CLDN9: variants seen among roughly 807,000 people sequenced by gnomAD.
CLDN9 encodes claudin-9.
Under a neutral mutation model 10.1 loss-of-function variants are expected in CLDN9, and 14 were observed. The observed-to-expected ratio is 1.38, with a 90% CI of 0.91 to 2.16. The LOEUF is 2.16. Among genes scored for constraint, CLDN9 ranks in the 30% most tolerant of loss-of-function variants. CLDN9 has a pLI of 0.00. For synonymous variants in CLDN9, 162 were observed against 143.1 expected (o/e 1.13, Z -0.95); for missense variants, 332 against 294.8 (o/e 1.13, Z -0.93).
chr16:3,013,083 C>T lies in CLDN9; in HGVS notation c.-280C>T. On this transcript the variant is annotated 5_prime_UTR_variant, in exon 1 of 1. Transcript: ENST00000445369. The surrounding 1 kb of genome is among the most constrained non-coding windows in gnomAD (Gnocchi z 6.4). Reference sequence around the variant, plus strand: ...AAGAGCAGCAGCACCCTCAGGGCATCCGATGGGCGGAGGCCCCTCGAGGTG... The same window carrying T: ...AAGAGCAGCAGCACCCTCAGGGCATTCGATGGGCGGAGGCCCCTCGAGGTG... The T allele has an allele frequency of 2.1e-6, 1 of 466,936 alleles. No individual in the cohort carries two copies. 28.9% of individuals were successfully genotyped at this position (466,936 alleles called of 1,614,324 possible).
rs2072541021 is a variant in CLDN9 at position 3,013,381 on chromosome 16, G to T, written c.19G>T (p.Glu7Ter). Residue 7 changes from glutamate (E) to a stop codon, truncating the protein, a stop_gained, in exon 1 of 1, where the codon GAA (glutamate) becomes TAA (stop). Coordinates refer to ENST00000445369, the MANE Select transcript of CLDN9 (RefSeq NM_020982.4). LOFTEE classifies it high-confidence loss of function. This position sits in a 1 kb window ranked among gnomAD's most constrained non-coding sequence, Gnocchi z 6.4. ...GGGCCAGATGGCTTCGACCGGCTTAGAACTGCTGGGCATGACCCTGGCTGT... is the reference window on the plus strand; with the variant it reads ...GGGCCAGATGGCTTCGACCGGCTTATAACTGCTGGGCATGACCCTGGCTGT... Reference protein sequence around the residue: MASTGLELLGMTLAVLG... With the variant: MASTGL 1 of 1,613,148 alleles carries T rather than the reference G, an allele frequency of 6.2e-7. No individual in the cohort carries two copies. The highest frequency in any genetic ancestry group is 8.5e-7 in the Non-Finnish European group (1 of 1,179,892).
Position 3,013,192 on chromosome 16 carries a change from G to A in CLDN9, c.-171G>A, listed in dbSNP as rs927094153. 7.2e-5 allele frequency: 49 copies of A among 680,536 alleles called. No individual in the cohort carries two copies. The highest frequency in any genetic ancestry group is 1.0e-4 in the Non-Finnish European group (41 of 411,178). The allele number at this position is 680,536 out of a possible 1,614,324, so 42.2% of individuals were successfully genotyped here. The stretch of plus-strand genomic sequence containing the variant: ...AAACACCTGCAAGAGGCACGGAGAG[G>A]AGGCGCCTTTCAAGAGGCGCCTTTC... On this transcript the variant is annotated 5_prime_UTR_variant, in exon 1 of 1. Coordinates refer to ENST00000445369, the MANE Select transcript of CLDN9 (RefSeq NM_020982.4). This position sits in a 1 kb window ranked among gnomAD's most constrained non-coding sequence, Gnocchi z 6.4.
rs377171800 is a variant in CLDN9 at position 3,013,709 on chromosome 16, G to T, written c.347G>T (p.Arg116Leu). ...TCVEDEGAKA[R>L]IVLTAGVILL... is the part of the protein sequence containing the mutation. The stretch of plus-strand genomic sequence containing the variant: ...GTGGAGGACGAAGGTGCCAAGGCCC[G>T]TATCGTGCTCACCGCGGGGGTCATC... The change falls in exon 1 of 1, where the codon CGT becomes CTT. Residue 116 changes from arginine (R) to leucine (L), a missense_variant. Physicochemically the swap from Arg to Leu is moderately radical, Grantham distance 102. Transcript: ENST00000445369. The surrounding 1 kb of genome is among the most constrained non-coding windows in gnomAD (Gnocchi z 6.4). The T allele has an allele frequency of 1.2e-6, 2 of 1,613,590 alleles. No homozygotes were observed. The highest frequency in any genetic ancestry group is 2.2e-5 in the East Asian group (1 of 44,894).
Position 3,013,475 on chromosome 16 carries a change from A to C in CLDN9, c.113A>C (p.Asn38Thr). 3 of 1,613,984 alleles carry C rather than the reference A, an allele frequency of 1.9e-6. No homozygotes were observed. Among genetic ancestry groups the C allele is most frequent in the Non-Finnish European group, 2.5e-6 (3 of 1,180,002 alleles). The change falls in exon 1 of 1, where the codon AAC becomes ACC. Residue 38 changes from asparagine to threonine, a missense_variant. Asn to Thr is a moderately conservative substitution (Grantham distance 65, BLOSUM62 0). Transcript: ENST00000445369. This position sits in a 1 kb window ranked among gnomAD's most constrained non-coding sequence, Gnocchi z 6.4. Reference protein sequence around the residue: ...PLWKVTAFIGNSIVVAQVVWE... With the variant: ...PLWKVTAFIGTSIVVAQVVWE... ...TGGAAGGTGACCGCCTTCATCGGCA[A>C]CAGCATCGTGGTGGCCCAGGTGGTG... is the stretch of plus-strand genomic sequence containing the variant.
At position 3,013,508 on chromosome 16, in the gene CLDN9, G is replaced by A. The variant is rs1479954953; in HGVS notation, c.146G>A (p.Gly49Asp). Residue 49 changes from glycine (G) to aspartate (D), a missense_variant, in exon 1 of 1, where the codon GGC (glycine) becomes GAC (aspartate). By Grantham distance (94) the Gly-to-Asp change is moderately conservative (BLOSUM62 -1). Transcript: ENST00000445369. This position sits in a 1 kb window ranked among gnomAD's most constrained non-coding sequence, Gnocchi z 6.4. ...SIVVAQVVWE[G>D]LWMSCVVQST... ...GTGGTGGCCCAGGTGGTGTGGGAGG[G>A]CCTGTGGATGTCCTGCGTGGTGCAG... The A allele has an allele frequency of 1.9e-6, 3 of 1,613,894 alleles. No individual in the cohort carries two copies. Among genetic ancestry groups the A allele is most frequent in the African/African-American group, 2.7e-5 (2 of 74,954 alleles).
rs747152311 is a variant in CLDN9, at chr16:3,013,918, C to T, written c.556C>T (p.Pro186Ser). The part of the protein sequence containing the change: ...LGGGLLCCTC[P>S]PPQVERPRGP... Reference sequence around the variant, plus strand: ...CGGGGGGCTCCTCTGCTGCACGTGCCCCCCGCCCCAGGTCGAGCGGCCCCG... The same window carrying T: ...CGGGGGGCTCCTCTGCTGCACGTGCTCCCCGCCCCAGGTCGAGCGGCCCCG... The change falls in exon 1 of 1, where the codon CCC (proline) becomes TCC (serine). Residue 186 changes from proline to serine, a missense_variant. Transcript: ENST00000445369. This position sits in a 1 kb window ranked among gnomAD's most constrained non-coding sequence, Gnocchi z 6.4. 2.3e-5 allele frequency: 37 copies of T among 1,591,250 alleles called. No individual in the cohort carries two copies. The East Asian group carries it at 8.1e-4, about 35-fold the overall frequency.
chr16:3,014,144 G>T lies in CLDN9; in HGVS notation c.*128G>T. On this transcript the variant is annotated 3_prime_UTR_variant, in exon 1 of 1. Transcript: ENST00000445369. ...GAAAACCCACTTTCCAAAAGCCCAA[G>T]CTACACCTGGCTGCAGGGCTGGGTC... The T allele has an allele frequency of 1.9e-6, 2 of 1,057,304 alleles. No homozygotes were observed. The highest frequency in any genetic ancestry group is 2.7e-6 in the Non-Finnish European group (2 of 750,824). 65.5% of individuals were successfully genotyped at this position (1,057,304 alleles called of 1,614,324 possible). A position where few individuals can be genotyped will look rare whatever the true frequency, so the allele number is the denominator to read the frequency against.
At position 3,013,536 on chromosome 16, in the gene CLDN9, C is replaced by T. The variant is rs2072542631; in HGVS notation, c.174C>T (p.Ser58=). The T allele has an allele frequency of 6.2e-7, 1 of 1,613,950 alleles. No individual in the cohort carries two copies. Among genetic ancestry groups the T allele is most frequent in the Non-Finnish European group, 8.5e-7 (1 of 1,179,990 alleles). ...EGLWMSCVVQ[S]TGQMQCKVYD... ...TGTGGATGTCCTGCGTGGTGCAGAG[C>T]ACGGGCCAGATGCAGTGCAAGGTGT... The change falls in exon 1 of 1, where the codon AGC becomes AGT. Residue 58 remains serine, a synonymous_variant. Coordinates refer to ENST00000445369, the MANE Select transcript of CLDN9 (RefSeq NM_020982.4). The surrounding 1 kb of genome is among the most constrained non-coding windows in gnomAD (Gnocchi z 6.4).
Position 3,014,091 on chromosome 16 carries a change from C to G in CLDN9, c.*75C>G, listed in dbSNP as rs551313333. The G allele has an allele frequency of 7.0e-7, 1 of 1,429,136 alleles. No homozygotes were observed. Among genetic ancestry groups the G allele is most frequent in the Admixed American group, 2.4e-5 (1 of 41,886 alleles). 88.5% of individuals were successfully genotyped at this position (1,429,136 alleles called of 1,614,324 possible). ...CGACCTTGGCCTGATGACCAGATGC[C>G]CTGCTCCATCACAACCTCCTTCCCC... On this transcript the variant is annotated 3_prime_UTR_variant, in exon 1 of 1. Coordinates refer to ENST00000445369, the MANE Select transcript of CLDN9 (RefSeq NM_020982.4).
chr16:3,013,140 G>T lies in CLDN9; in HGVS notation c.-223G>T. On this transcript the variant is annotated 5_prime_UTR_variant, in exon 1 of 1. Coordinates refer to ENST00000445369, the MANE Select transcript of CLDN9 (RefSeq NM_020982.4). This position sits in a 1 kb window ranked among gnomAD's most constrained non-coding sequence, Gnocchi z 6.4. ...ACCACTCAGCCGAGCGGGACTACGA[G>T]TCTGCTTTGTGCTCCGCGAGGACCA... 1 of 589,502 alleles carries T rather than the reference G, an allele frequency of 1.7e-6. No individual in the cohort carries two copies. Among genetic ancestry groups the T allele is most frequent in the Non-Finnish European group, 3.0e-6 (1 of 334,002 alleles). 36.5% of individuals were successfully genotyped at this position (589,502 alleles called of 1,614,324 possible).
rs1486912505 is a variant in CLDN9 at position 3,013,084 on chromosome 16, C to T, written c.-279C>T. 3 of 473,224 alleles carry T rather than the reference C, an allele frequency of 6.3e-6. No homozygotes were observed. Among genetic ancestry groups the T allele is most frequent in the Non-Finnish European group, 7.7e-6 (2 of 260,912 alleles). 29.3% of individuals were successfully genotyped at this position (473,224 alleles called of 1,614,324 possible). Reference sequence around the variant, plus strand: ...AGAGCAGCAGCACCCTCAGGGCATCCGATGGGCGGAGGCCCCTCGAGGTGA... The same window carrying T: ...AGAGCAGCAGCACCCTCAGGGCATCTGATGGGCGGAGGCCCCTCGAGGTGA... On this transcript the variant is annotated 5_prime_UTR_variant, in exon 1 of 1. Coordinates refer to ENST00000445369, the MANE Select transcript of CLDN9 (RefSeq NM_020982.4). This position sits in a 1 kb window ranked among gnomAD's most constrained non-coding sequence, Gnocchi z 6.4.
Position 3,013,892 on chromosome 16 carries a change from G to A in CLDN9, c.530G>A (p.Gly177Asp). Residue 177 changes from glycine (G) to aspartate (D), a missense_variant, in exon 1 of 1, where the codon GGC becomes GAC. Physicochemically the swap from Gly to Asp is moderately conservative, Grantham distance 94 (BLOSUM62 -1). Transcript: ENST00000445369. The surrounding 1 kb of genome is among the most constrained non-coding windows in gnomAD (Gnocchi z 6.4). ...GWAAAALLML[G>D]GGLLCCTCPP... ...GCGGCGGCTGCACTGCTTATGCTGGGCGGGGGGCTCCTCTGCTGCACGTGC... is the reference window on the plus strand; with the variant it reads ...GCGGCGGCTGCACTGCTTATGCTGGACGGGGGGCTCCTCTGCTGCACGTGC... The A allele has an allele frequency of 6.2e-7, 1 of 1,609,048 alleles. No homozygotes were observed. Among genetic ancestry groups the A allele is most frequent in the South Asian group, 1.1e-5 (1 of 90,886 alleles).
At position 3,013,917 on chromosome 16, in the gene CLDN9, C is replaced by T; in HGVS notation, c.555C>T (p.Cys185=). The T allele has an allele frequency of 1.9e-6, 3 of 1,589,392 alleles. No individual in the cohort carries two copies. Among genetic ancestry groups the T allele is most frequent in the Non-Finnish European group, 2.6e-6 (3 of 1,170,480 alleles). The change falls in exon 1 of 1, where the codon TGC becomes TGT. Residue 185 remains cysteine, a synonymous_variant. Coordinates refer to ENST00000445369, the MANE Select transcript of CLDN9 (RefSeq NM_020982.4). The surrounding 1 kb of genome is among the most constrained non-coding windows in gnomAD (Gnocchi z 6.4). The stretch of plus-strand genomic sequence containing the variant: ...GCGGGGGGCTCCTCTGCTGCACGTG[C>T]CCCCCGCCCCAGGTCGAGCGGCCCC... ...MLGGGLLCCT[C]PPPQVERPRG...
rs1264670472 is a variant in CLDN9 at position 3,013,264 on chromosome 16, C to G, written c.-99C>G. ...GCTTGGGGACACCAACAAGCCTTCCCCCTCCTGCTGGACACAGAGACACCC... is the reference window on the plus strand; with the variant it reads ...GCTTGGGGACACCAACAAGCCTTCCGCCTCCTGCTGGACACAGAGACACCC... On this transcript the variant is annotated 5_prime_UTR_variant, in exon 1 of 1. Coordinates refer to ENST00000445369, the MANE Select transcript of CLDN9 (RefSeq NM_020982.4). The surrounding 1 kb of genome is among the most constrained non-coding windows in gnomAD (Gnocchi z 6.4). 2.2e-6 allele frequency: 3 copies of G among 1,388,814 alleles called. No individual in the cohort carries two copies. In the African/African-American group the frequency reaches 4.3e-5, roughly 20 times the overall value. The allele number at this position is 1,388,814 out of a possible 1,614,324, so 86.0% of individuals were successfully genotyped here. A position where few individuals can be genotyped will look rare whatever the true frequency, so the allele number is the denominator to read the frequency against.
In CLDN9 at chr16:3,013,408, C is replaced by A; in HGVS notation, c.46C>A (p.Leu16Met). 1.2e-6 allele frequency: 2 copies of A among 1,613,964 alleles called. No individual in the cohort carries two copies. The highest frequency in any genetic ancestry group is 4.5e-5 in the East Asian group (2 of 44,884). ...ACTGCTGGGCATGACCCTGGCTGTGCTGGGCTGGCTGGGGACCCTGGTGTC... is the reference window on the plus strand; with the variant it reads ...ACTGCTGGGCATGACCCTGGCTGTGATGGGCTGGCTGGGGACCCTGGTGTC... Reference protein sequence around the residue: ...LELLGMTLAVLGWLGTLVSCA... With the variant: ...LELLGMTLAVMGWLGTLVSCA... The change falls in exon 1 of 1, where the codon CTG (leucine) becomes ATG (methionine). Residue 16 changes from leucine (L) to methionine (M), a missense_variant. By Grantham distance (15) the Leu-to-Met change is conservative (BLOSUM62 2). Coordinates refer to ENST00000445369, the MANE Select transcript of CLDN9 (RefSeq NM_020982.4). This position sits in a 1 kb window ranked among gnomAD's most constrained non-coding sequence, Gnocchi z 6.4.
rs1596467758 is a variant in CLDN9, at chr16:3,014,313, T to C, written c.*297T>C. The C allele has an allele frequency of 3.2e-6, 1 of 314,024 alleles. No homozygotes were observed. The highest frequency in any genetic ancestry group is 5.7e-5 in the East Asian group (1 of 17,566). 19.5% of individuals were successfully genotyped at this position (314,024 alleles called of 1,614,324 possible). ...CCGTTGCCCAGGACACTGGCTGGCC[T>C]TCCTTCTCTTCTGAGCCCTCCCCTG... is the stretch of plus-strand genomic sequence containing the variant. On this transcript the variant is annotated 3_prime_UTR_variant, in exon 1 of 1. Transcript: ENST00000445369.
chr16:3,013,025 GC>G lies in CLDN9; in HGVS notation c.-337del. The G allele has an allele frequency of 3.2e-6, 1 of 309,940 alleles. No individual in the cohort carries two copies. The allele number at this position is 309,940 out of a possible 1,614,324, so 19.2% of individuals were successfully genotyped here. Reference sequence around the variant, plus strand: ...CTGGCAGTGCGTCTGGAGGGCCTGTGCGAGCTCAGCCCAGGTGTGACAGCGG... The same window carrying G: ...CTGGCAGTGCGTCTGGAGGGCCTGTGGAGCTCAGCCCAGGTGTGACAGCGG... On this transcript the variant is annotated 5_prime_UTR_variant, in exon 1 of 1. Coordinates refer to ENST00000445369, the MANE Select transcript of CLDN9 (RefSeq NM_020982.4). This position sits in a 1 kb window ranked among gnomAD's most constrained non-coding sequence, Gnocchi z 6.4.
At position 3,013,135 on chromosome 16, in the gene CLDN9, T is replaced by C. The variant is rs2072538955; in HGVS notation, c.-228T>C. On this transcript the variant is annotated 5_prime_UTR_variant, in exon 1 of 1. Coordinates refer to ENST00000445369, the MANE Select transcript of CLDN9 (RefSeq NM_020982.4). This position sits in a 1 kb window ranked among gnomAD's most constrained non-coding sequence, Gnocchi z 6.4. ...CACCCACCACTCAGCCGAGCGGGAC[T>C]ACGAGTCTGCTTTGTGCTCCGCGAG... 1.7e-6 allele frequency: 1 copy of C among 581,582 alleles called. No individual in the cohort carries two copies. Among genetic ancestry groups the C allele is most frequent in the Non-Finnish European group, 3.0e-6 (1 of 328,374 alleles). 36.0% of individuals were successfully genotyped at this position (581,582 alleles called of 1,614,324 possible).
At position 3,013,250 on chromosome 16, in the gene CLDN9, C is replaced by A. The variant is rs941364995; in HGVS notation, c.-113C>A. 16 of 1,288,664 alleles carry A rather than the reference C, an allele frequency of 1.2e-5. No individual in the cohort carries two copies. Among genetic ancestry groups the A allele is most frequent in the Non-Finnish European group, 1.7e-5 (16 of 953,108 alleles). 79.8% of individuals were successfully genotyped at this position (1,288,664 alleles called of 1,614,324 possible). A position where few individuals can be genotyped will look rare whatever the true frequency, so the allele number is the denominator to read the frequency against. On this transcript the variant is annotated 5_prime_UTR_variant, in exon 1 of 1. Coordinates refer to ENST00000445369, the MANE Select transcript of CLDN9 (RefSeq NM_020982.4). The surrounding 1 kb of genome is among the most constrained non-coding windows in gnomAD (Gnocchi z 6.4). Reference sequence around the variant, plus strand: ...TGAGGACTGGCCTGGCTTGGGGACACCAACAAGCCTTCCCCCTCCTGCTGG... The same window carrying A: ...TGAGGACTGGCCTGGCTTGGGGACAACAACAAGCCTTCCCCCTCCTGCTGG...
Sources: gnomAD v4.1 joint callset for allele counts on GRCh38, gnomAD v4.1.1 for gene constraint, Gnocchi (gnomAD v3.1) non-coding constraint, MANE v1.5 for transcripts, NCBI Gene and HGNC (gene_info 2026-07-23, HGNC 2026-07-21) for gene names.